Variants in KAT2B observed in about 807,000 individuals in gnomAD.
KAT2B encodes lysine acetyltransferase 2B.
KAT2B carries 36 observed loss-of-function variants against 105.9 expected under a neutral mutation model. The ratio of observed to expected loss-of-function variants is 0.34; its 90% confidence interval spans 0.26 to 0.45. The LOEUF is 0.45. KAT2B is among the 20% of genes least tolerant of loss of function. The pLI, the probability that KAT2B is intolerant of heterozygous loss-of-function variation, is 1.00. For synonymous variants in KAT2B, 397 were observed against 377.9 expected, an observed-to-expected ratio of 1.05 and a Z score of -0.59; for missense variants, 820 against 1,021.6, an observed-to-expected ratio of 0.80 and a Z score of 2.69.
At chr3:20,144,293 T>G (rs1444629727) in intron 13 of KAT2B, among the ~76,000 whole-genome samples, 1 of 139,254 alleles carries the variant, frequency 7.2e-6, no homozygotes, top group African/African-American at 2.7e-5. Context: ...TTTTTTTTTT[T>G]TTTTTTTTTT....
chr3:20,154,221 A>G lies in KAT2B; in HGVS notation c.*1696A>G, dbSNP rs1699912876. 1 of 152,644 alleles carries G rather than the reference A, an allele frequency of 6.6e-6. No homozygotes were observed. Among genetic ancestry groups the G allele is most frequent in the Middle Eastern group, 3.2e-3 (1 of 316 alleles). 9.5% of individuals were successfully genotyped at this position (152,644 alleles called of 1,614,324 possible). On this transcript the variant is annotated 3_prime_UTR_variant, in exon 18 of 18. Transcript: ENST00000263754. Reference sequence around the variant, plus strand: ...AAATCAGATTGTCTCTTCTATATTGAAAGCATTTTTATGTTTTCTAATTTA... The same window carrying G: ...AAATCAGATTGTCTCTTCTATATTGGAAGCATTTTTATGTTTTCTAATTTA...
At chr3:20,099,811 G>C (rs777813180) in intron 3 of KAT2B, 51 bp from the exon 4 acceptor site, 1 of 895,418 alleles carries the variant, frequency 1.1e-6, no homozygotes, top group Non-Finnish European at 1.8e-6. Flanking sequence ...GAGAGAGATA[G>C]ACATACCAAT....
chr3:20,148,264 C>T lies in KAT2B; in HGVS notation c.2178C>T (p.Asp726=), dbSNP rs756630580. 5 of 1,613,900 alleles carry T rather than the reference C, an allele frequency of 3.1e-6. No homozygotes were observed. The highest frequency in any genetic ancestry group is 2.2e-5 in the East Asian group (1 of 44,898). The change falls in exon 16 of 18, where the codon GAC becomes GAT. Residue 726 remains aspartate (D), a synonymous_variant. Coordinates refer to ENST00000263754, the MANE Select transcript of KAT2B (RefSeq NM_003884.5). The part of the protein sequence containing the change: ...KEKSKEPRDP[D]QLYSTLKSIL... ...CAAGTAAAGAGCCCAGAGACCCTGA[C>T]CAGCTTTACAGCACGCTCAAGAGCA...
intron 1 of KAT2B, among the ~76,000 whole-genome samples, chr3:20,070,104 G>T (rs1698293539): frequency 2.0e-5 from 3 of 152,020 alleles, no homozygotes; most frequent in East Asian, 3.9e-4. Flanking sequence ...ACTCACTGGG[G>T]GATGTAGCTA....
chr3:20,078,687 A>G (rs1698464505), intron 2 of KAT2B, among the ~76,000 whole-genome samples: 1 of 151,742 alleles, frequency 6.6e-6, no homozygotes, highest in African/African-American at 2.4e-5. Context: ...TTTTTCTGAT[A>G]TATGTGTATA....
chr3:20,153,718 C>G lies in KAT2B; in HGVS notation c.*1193C>G, dbSNP rs562092036. The stretch of plus-strand genomic sequence containing the variant: ...CCATTCCCAACTCTGGGAAAACCAA[C>G]TAATATACAACCATATAAATGAAGG... On this transcript the variant is annotated 3_prime_UTR_variant, in exon 18 of 18. Transcript: ENST00000263754. The G allele has an allele frequency of 1.3e-5, 2 of 152,684 alleles. No homozygotes were observed. The highest frequency in any genetic ancestry group is 2.1e-4 in the South Asian group (1 of 4,824). The allele number at this position is 152,684 out of a possible 1,614,324, so 9.5% of individuals were successfully genotyped here.
At chr3:20,087,734 A>G (rs539592198) in intron 2 of KAT2B, among the ~76,000 whole-genome samples, 175 of 152,270 alleles carry the variant, frequency 1.1e-3, no homozygotes, top group South Asian at 7.3e-3. Context: ...AAGATTCTAC[A>G]TACAAATAAG....
At chr3:20,141,747 C>T (rs1699697639) in intron 13 of KAT2B, among the ~76,000 whole-genome samples, 1 of 149,070 alleles carries the variant, frequency 6.7e-6, no homozygotes. Flanking sequence ...TAAAGTGGCT[C>T]AGTCTTGTTC....
intron 1 of KAT2B, among the ~76,000 whole-genome samples, chr3:20,044,003 C>T (rs971437023): frequency 4.0e-5 from 6 of 149,358 alleles, no homozygotes; most frequent in South Asian, 4.2e-4. Context: ...ACTTCACAAA[C>T]GAAACCAAAA....
chr3:20,081,339 C>T (rs6800250), intron 2 of KAT2B, among the ~76,000 whole-genome samples: 25,020 of 152,068 alleles, frequency 0.16, 4,199 homozygotes, highest in African/African-American at 0.42. Context: ...GTGAGGGTCA[C>T]GGCACACAGT....
chr3:20,079,676 C>T (rs998497429), intron 2 of KAT2B, among the ~76,000 whole-genome samples: 1 of 152,164 alleles, frequency 6.6e-6, no homozygotes, highest in Non-Finnish European at 1.5e-5. Context: ...GATCATACGA[C>T]ATTTGCATAG....
chr3:20,061,823 TA>T (rs1267968901), intron 1 of KAT2B, among the ~76,000 whole-genome samples: 2 of 92,416 alleles, frequency 2.2e-5, no homozygotes, highest in Non-Finnish European at 5.0e-5. Flanking sequence ...ACATAAAGTA[TA>T]TAATATATAA....
At chr3:20,122,833 T>A in intron 9 of KAT2B, 29 bp downstream of exon 9, 1 of 1,591,860 alleles carries the variant, frequency 6.3e-7, no homozygotes, top group Non-Finnish European at 8.6e-7. Context: ...GGCAGCCAGC[T>A]GGTAGACCTC....
chr3:20,142,299 G>A (rs753626059), intron 13 of KAT2B, among the ~76,000 whole-genome samples: 3 of 152,026 alleles, frequency 2.0e-5, no homozygotes, highest in Non-Finnish European at 4.4e-5. Flanking sequence ...CACACATTCC[G>A]TTGAATGGGT....
In KAT2B at chr3:20,107,170, A is replaced by G. The variant is rs1699036361; in HGVS notation, c.852-4426A>G. ...CTCTGCCTCCCGAGTAGCTGGGATTACAGGCATGCGCCACCACAGCTGGCT... is the reference window on the plus strand; with the variant it reads ...CTCTGCCTCCCGAGTAGCTGGGATTGCAGGCATGCGCCACCACAGCTGGCT... On this transcript the variant is annotated intron_variant, in intron 5 of 17. Transcript: ENST00000263754. 2.0e-5 allele frequency among the ~76,000 whole-genome samples: 3 copies of G among 147,702 alleles called. No individual in the cohort carries two copies. In the South Asian group the frequency reaches 6.5e-4, roughly 32 times the overall value.
chr3:20,061,844 AAT>A (rs1377748337), intron 1 of KAT2B, among the ~76,000 whole-genome samples: 11 of 112,734 alleles, frequency 9.8e-5, no homozygotes, highest in South Asian at 5.3e-4. Context: ...ATATACATAA[AAT>A]ATATATAATA....
At chr3:20,096,353 G>T (rs190573770) in intron 3 of KAT2B, among the ~76,000 whole-genome samples, 93 of 152,178 alleles carry the variant, frequency 6.1e-4, no homozygotes, top group African/African-American at 2.2e-3. Flanking sequence ...TCAAGCTTCT[G>T]ATTAGAGCCA....
At position 20,062,320 on chromosome 3, in the gene KAT2B, ATATT is replaced by A. The variant is rs1298693199; in HGVS notation, c.304-10008_304-10005del. Among the ~76,000 whole-genome samples, 27 of 102,212 alleles carry A rather than the reference ATATT, an allele frequency of 2.6e-4. No individual in the cohort carries two copies. In the East Asian group the frequency reaches 6.8e-3, roughly 26 times the overall value. 67.1% of individuals were successfully genotyped at this position (102,212 alleles called of 152,430 possible). A position where few individuals can be genotyped will look rare whatever the true frequency, so the allele number is the denominator to read the frequency against. On this transcript the variant is annotated intron_variant, in intron 1 of 17. Coordinates refer to ENST00000263754, the MANE Select transcript of KAT2B (RefSeq NM_003884.5). ...ATATATAAAATATAATATATATAAA[ATATT>A]TATTATGTATAAAATATAATATATA... is the stretch of plus-strand genomic sequence containing the variant.
chr3:20,104,868 A>G (rs766015408), intron 5 of KAT2B, among the ~76,000 whole-genome samples: 77 of 146,604 alleles, frequency 5.3e-4, no homozygotes, highest in Non-Finnish European at 1.0e-3. Context: ...AAATATAAGT[A>G]TTCTTTTTTT....
Sources: allele counts gnomAD v4.1 joint callset (sites outside exome capture counted in the v4.1 genomes callset), GRCh38; gene constraint gnomAD v4.1.1; transcripts MANE v1.5; gene names NCBI Gene and HGNC (gene_info 2026-07-23, HGNC 2026-07-21).